The following INSL6 variants were observed in gnomAD, a reference collection of about 807,000 sequenced individuals.
INSL6 encodes insulin-like peptide INSL6.
A neutral mutation model predicts 9.4 loss-of-function variants in INSL6; 16 were observed. That is an observed-to-expected ratio of 1.70 (90% CI 1.15 to 2.59). The LOEUF is 2.59. Among genes scored for constraint, INSL6 ranks in the 30% most tolerant of loss-of-function variants. The probability of loss-of-function intolerance (pLI) is 0.00; values close to 1 mark genes in which losing one functional copy is unlikely to be tolerated. For missense variants in INSL6, 391 were observed against 257.3 expected, an observed-to-expected ratio of 1.52 and a Z score of -3.56; for synonymous variants, 154 against 96.9, an observed-to-expected ratio of 1.59 and a Z score of -3.46.
chr9:5,021,607 T>A, the INSL6 span, among the ~76,000 whole-genome samples: 49 of 152,128 alleles, frequency 3.2e-4, no homozygotes, highest in East Asian at 9.4e-3. Flanking sequence ...TCAATATTAT[T>A]TCCATTTGTA....
At chr9:5,172,230 C>G (rs1395641708) in intron 1 of INSL6, among the ~76,000 whole-genome samples, 2 of 152,122 alleles carry the variant, frequency 1.3e-5, no homozygotes, top group Admixed American at 1.3e-4. Flanking sequence ...CAAAAAATAG[C>G]AATGGGCAAA....
chr9:5,144,347 T>C (rs539615188), intron 2 of INSL6, among the ~76,000 whole-genome samples: 30 of 152,362 alleles, frequency 2.0e-4, no homozygotes, highest in East Asian at 1.2e-3. Context: ...TCGAATTTTA[T>C]GGCACTGTGG....
chr9:5,155,137 A>G lies in INSL6; in HGVS notation c.376+9042T>C, dbSNP rs560084639. 4.8e-3 allele frequency among the ~76,000 whole-genome samples: 726 copies of G among 151,696 alleles called. 6 individuals are homozygous for G. The highest frequency in any genetic ancestry group is 0.017 in the African/African-American group (693 of 41,106). On this transcript the variant is annotated intron_variant, in intron 2 of 3. Transcript: ENST00000649639. ...TGGCACATATACACCATGGACTACT[A>G]TGCAGCCATAAAAAATGATGAGTTC...
the INSL6 span, among the ~76,000 whole-genome samples, chr9:5,065,588 GAATTTTAATTT>G: frequency 6.6e-6 from 1 of 152,276 alleles, no homozygotes; most frequent in South Asian, 2.1e-4. Context: ...CCGAGGAACT[GAATTTTAATTT>G]AATTTTAATT....
At chr9:5,156,441 T>C (rs1396037248) in intron 2 of INSL6, among the ~76,000 whole-genome samples, 3 of 152,116 alleles carry the variant, frequency 2.0e-5, no homozygotes, top group Non-Finnish European at 4.4e-5. Context: ...AGCAAACATA[T>C]CTGGATTCCT....
the INSL6 span, chr9:5,112,086 G>T: frequency 7.9e-6 from 3 of 378,766 alleles, no homozygotes; most frequent in African/African-American, 6.4e-5. Flanking sequence ...TAAGATAGAA[G>T]ACCACCTACC....
the INSL6 span, among the ~76,000 whole-genome samples, chr9:5,089,277 G>T: frequency 6.6e-6 from 1 of 152,104 alleles, no homozygotes; most frequent in Admixed American, 6.6e-5. Flanking sequence ...GGTGGCTCAT[G>T]CCTGTAATCC....
chr9:5,023,897 T>G, the INSL6 span, among the ~76,000 whole-genome samples: 1 of 152,298 alleles, frequency 6.6e-6, no homozygotes, highest in Admixed American at 6.5e-5. Flanking sequence ...TTGTAAGATT[T>G]TTTTAGCTTT....
the INSL6 span, among the ~76,000 whole-genome samples, chr9:5,028,469 T>C: frequency 3.8e-3 from 581 of 152,336 alleles, 3 homozygotes; most frequent in African/African-American, 0.013. Flanking sequence ...TCAATAAGCA[T>C]TGGCTTCAAC....
intron 2 of INSL6, among the ~76,000 whole-genome samples, chr9:5,149,613 C>T (rs894502856): frequency 6.6e-5 from 10 of 152,022 alleles, no homozygotes; most frequent in African/African-American, 1.9e-4. Context: ...AATGGAAAAA[C>T]GGCTGATGCT....
chr9:5,156,974 G>C (rs543279180), intron 2 of INSL6, among the ~76,000 whole-genome samples: 1 of 152,070 alleles, frequency 6.6e-6, no homozygotes, highest in South Asian at 2.1e-4. Context: ...CTGAGACTGC[G>C]ACACTGCACT....
At chr9:5,019,196 A>G in the INSL6 span, among the ~76,000 whole-genome samples, 1 of 152,116 alleles carries the variant, frequency 6.6e-6, no homozygotes, top group Admixed American at 6.5e-5. Context: ...AAATTCTAAT[A>G]TTAGTTTGCT....
At chr9:5,053,262 T>C in the INSL6 span, among the ~76,000 whole-genome samples, 1 of 152,228 alleles carries the variant, frequency 6.6e-6, no homozygotes, top group East Asian at 1.9e-4. Flanking sequence ...TTTTGGCCAT[T>C]TGTATGCCTT....
chr9:5,168,676 G>C (rs997914567), intron 1 of INSL6, among the ~76,000 whole-genome samples: 2 of 151,674 alleles, frequency 1.3e-5, no homozygotes, highest in African/African-American at 2.4e-5. Context: ...TCATCCAGGA[G>C]AATTTCCCCA....
chr9:5,085,669 A>G, the INSL6 span: 3 of 729,276 alleles, frequency 4.1e-6, no homozygotes, highest in Non-Finnish European at 7.7e-6. Context: ...CCTTTTCGAG[A>G]ACGTGCATTA....
chr9:5,042,160 TCG>T, the INSL6 span, among the ~76,000 whole-genome samples: 1 of 143,814 alleles, frequency 7.0e-6, no homozygotes, highest in Non-Finnish European at 1.5e-5. Flanking sequence ...AGACGGAGTC[TCG>T]CTTTGTCGCC....
At chr9:5,050,708 G>A in the INSL6 span, 1 of 1,613,714 alleles carries the variant, frequency 6.2e-7, no homozygotes, top group Non-Finnish European at 8.5e-7. Flanking sequence ...TTTGTGCACG[G>A]ATGGATAAAA....
the INSL6 span, chr9:5,090,861 A>G: frequency 6.2e-7 from 1 of 1,613,174 alleles, no homozygotes; most frequent in Non-Finnish European, 8.5e-7. Context: ...TCTTGCCACA[A>G]GACAAAGAAT....
At chr9:5,044,645 C>T in the INSL6 span, 2 of 539,714 alleles carry the variant, frequency 3.7e-6, no homozygotes, top group East Asian at 3.2e-5. Context: ...ACAGCAGGTG[C>T]AGAGAAGTAA....
Sources: gnomAD v4.1 joint callset for allele counts (sites outside exome capture counted in the v4.1 genomes callset) on GRCh38, gnomAD v4.1.1 for gene constraint, MANE v1.5 for transcripts, NCBI Gene and HGNC (gene_info 2026-07-23, HGNC 2026-07-21) for gene names.